The following FARP2 variants were observed in gnomAD, a reference collection of about 807,000 sequenced individuals.
The protein encoded by FARP2 is FERM, ARHGEF and pleckstrin domain-containing protein 2.
In FARP2, 111 loss-of-function variants were observed where a neutral mutation model predicts 130.5. The ratio of observed to expected loss-of-function variants is 0.85; its 90% CI spans 0.73 to 1.00. FARP2 has a LOEUF of 1.00. Ranked by LOEUF, FARP2 falls within the 50% of genes least tolerant of loss-of-function variation. The pLI is 0.00. For synonymous variants in FARP2, 504 were observed against 516.9 expected, an observed-to-expected ratio of 0.98 and a Z score of 0.34; for missense variants, 1,385 against 1,346.3, an observed-to-expected ratio of 1.03 and a Z score of -0.45.
intron 13 of FARP2, among the ~76,000 whole-genome samples, chr2:241,454,818 T>G: frequency 6.6e-6 from 1 of 152,266 alleles, no homozygotes; most frequent in Non-Finnish European, 1.5e-5. Context: ...TGTTTCCTTG[T>G]GTTTTCAATG....
chr2:241,460,024 T>C lies in FARP2; in HGVS notation c.1588-2499T>C, dbSNP rs1225772381. ...GGGACTCGAGCATCCTGTTTCTTTC[T>C]ATAGAACAACATTCAGAGTTAGGAC... is the stretch of plus-strand genomic sequence containing the variant. On this transcript the variant is annotated intron_variant, in intron 14 of 26. Transcript: ENST00000264042. Among the ~76,000 whole-genome samples, 3 of 152,166 alleles carry C rather than the reference T, an allele frequency of 2.0e-5. No homozygotes were observed. The East Asian group carries it at 5.8e-4, about 29-fold the overall frequency.
chr2:241,369,884 A>G (rs1172793017), intron 1 of FARP2, among the ~76,000 whole-genome samples: 1 of 152,180 alleles, frequency 6.6e-6, no homozygotes, highest in Non-Finnish European at 1.5e-5. Context: ...CGTTGGAGGA[A>G]CCTTCAAAGT....
intron 2 of FARP2, among the ~76,000 whole-genome samples, chr2:241,381,111 C>T (rs1461528734): frequency 1.3e-5 from 2 of 152,146 alleles, no homozygotes; most frequent in Non-Finnish European, 2.9e-5. Context: ...CGCTGGTGTT[C>T]TGCCAGTCTC....
At chr2:241,433,571 A>G (rs1574815513) in intron 9 of FARP2, among the ~76,000 whole-genome samples, 1 of 152,364 alleles carries the variant, frequency 6.6e-6, no homozygotes, top group East Asian at 1.9e-4. Context: ...TGCCAAGGCT[A>G]GGTAGAAAAA....
chr2:241,398,943 C>G (rs927899653), intron 2 of FARP2, among the ~76,000 whole-genome samples: 1 of 152,114 alleles, frequency 6.6e-6, no homozygotes, highest in Non-Finnish European at 1.5e-5. Flanking sequence ...ACTGGAATTG[C>G]TAGGTTATAG....
chr2:241,427,133 G>A (rs1228437152), intron 8 of FARP2, among the ~76,000 whole-genome samples: 1 of 152,122 alleles, frequency 6.6e-6, no homozygotes, highest in South Asian at 2.1e-4. Context: ...TACTCAGGAG[G>A]CTGAGGTAGG....
intron 4 of FARP2, among the ~76,000 whole-genome samples, chr2:241,406,420 T>TAG (rs60655206): frequency 0.025 from 3,716 of 150,890 alleles, 171 homozygotes; most frequent in African/African-American, 0.086. Context: ...TGTATATATA[T>TAG]AGAGAGAGAG....
intron 13 of FARP2, among the ~76,000 whole-genome samples, chr2:241,450,010 A>AC (rs1181407180): frequency 1.5e-4 from 22 of 151,190 alleles, no homozygotes; most frequent in African/African-American, 5.3e-4. Context: ...CCATCTCAAA[A>AC]AAAAAAAAAA....
chr2:241,444,607 CT>C (rs777002878), intron 13 of FARP2: 83 of 152,306 alleles, frequency 5.4e-4, no homozygotes, highest in African/African-American at 1.8e-3. Context: ...TGGAATGTTC[CT>C]TCCTAAGGAG....
At chr2:241,436,378 T>C (rs2063230433) in intron 11 of FARP2, 103 bp from the exon 12 acceptor site, 2 of 952,510 alleles carry the variant, frequency 2.1e-6, no homozygotes, top group African/African-American at 3.2e-5. Context: ...CTACATTTTC[T>C]TGTGAGGTTT....
At chr2:241,369,089 C>A (rs2061372637) in intron 1 of FARP2, among the ~76,000 whole-genome samples, 1 of 152,004 alleles carries the variant, frequency 6.6e-6, no homozygotes. Flanking sequence ...TGACGTCTGT[C>A]TGGGCTAAAT....
At chr2:241,407,300 C>T (rs1426514329) in intron 4 of FARP2, among the ~76,000 whole-genome samples, 1 of 152,168 alleles carries the variant, frequency 6.6e-6, no homozygotes, top group Non-Finnish European at 1.5e-5. Flanking sequence ...AGTTGTAGCA[C>T]ACTGCAACCT....
chr2:241,441,751 C>T (rs151140837), intron 13 of FARP2, 195 bp downstream of exon 13: 11 of 815,404 alleles, frequency 1.3e-5, no homozygotes, highest in African/African-American at 5.2e-5. Context: ...CCGGCAGTGT[C>T]GTGGGGGGGC....
intron 8 of FARP2, among the ~76,000 whole-genome samples, chr2:241,423,589 A>G (rs1452049939): frequency 6.6e-6 from 1 of 152,248 alleles, no homozygotes; most frequent in Non-Finnish European, 1.5e-5. Context: ...CCATGATGAC[A>G]GGATGAAATT....
intron 2 of FARP2, among the ~76,000 whole-genome samples, chr2:241,379,105 G>A (rs1195079172): frequency 6.6e-6 from 1 of 152,188 alleles, no homozygotes; most frequent in Non-Finnish European, 1.5e-5. Flanking sequence ...TCCATTGCTG[G>A]ATGCAGTGGA....
At chr2:241,401,815 G>A (rs2062173513) in intron 2 of FARP2, among the ~76,000 whole-genome samples, 1 of 56,098 alleles carries the variant, frequency 1.8e-5, no homozygotes, top group Non-Finnish European at 4.0e-5. Flanking sequence ...ACGGAGTTTC[G>A]CTCGTCGCCC....
chr2:241,437,492 G>A (rs1351568945), intron 12 of FARP2, among the ~76,000 whole-genome samples: 2 of 151,990 alleles, frequency 1.3e-5, no homozygotes, highest in African/African-American at 2.4e-5. Flanking sequence ...ACCAGAGAGA[G>A]TCTTACTCTC....
At chr2:241,443,838 G>T (rs551196750) in intron 13 of FARP2, 8 of 152,352 alleles carry the variant, frequency 5.3e-5, no homozygotes. Context: ...TCTCTTCCCA[G>T]AATGTCTTGT....
At chr2:241,381,030 G>A (rs909424692) in intron 2 of FARP2, among the ~76,000 whole-genome samples, 1 of 152,128 alleles carries the variant, frequency 6.6e-6, no homozygotes, top group African/African-American at 2.4e-5. Flanking sequence ...ATGTGGACAT[G>A]AGTCTCTTCC....
Sources: allele counts gnomAD v4.1 joint callset (sites outside exome capture counted in the v4.1 genomes callset), GRCh38; gene constraint gnomAD v4.1.1; transcripts MANE v1.5; gene names NCBI Gene and HGNC (gene_info 2026-07-23, HGNC 2026-07-21).